Variants in THRAP3 observed in about 807,000 individuals in gnomAD.
THRAP3 encodes the protein thyroid hormone receptor-associated protein 3.
Under a neutral mutation model 101.0 loss-of-function variants are expected in THRAP3, and 16 were observed. The ratio of observed to expected loss-of-function variants is 0.16; its 90% CI spans 0.11 to 0.24. The LOEUF is 0.24. Ranked by LOEUF, THRAP3 falls within the 10% of genes least tolerant of loss-of-function variation. The pLI is 1.00. For missense variants in THRAP3, 989 were observed against 1,202.7 expected (o/e 0.82, Z 2.63); for synonymous variants, 407 against 422.6 (o/e 0.96, Z 0.45).
chr1:36,289,230 G>A lies in THRAP3; in HGVS notation c.1211G>A (p.Arg404Gln), dbSNP rs1645833442. The change falls in exon 5 of 12, where the codon CGG becomes CAG. Residue 404 changes from arginine (R) to glutamine (Q), a missense_variant. Physicochemically the swap from Arg to Gln is conservative, Grantham distance 43. Transcript: ENST00000354618. ...AAAACTGATTCTGAGAAGCCTTTTCGGGGCAGTCAGTCTCCCAAAAGGTAT... is the reference window on the plus strand; with the variant it reads ...AAAACTGATTCTGAGAAGCCTTTTCAGGGCAGTCAGTCTCCCAAAAGGTAT... ...APKTDSEKPFRGSQSPKRYKL... is the reference protein window; with the variant it reads ...APKTDSEKPFQGSQSPKRYKL... 6.2e-6 allele frequency: 10 copies of A among 1,614,024 alleles called. No individual in the cohort carries two copies. Among genetic ancestry groups the A allele is most frequent in the Non-Finnish European group, 7.6e-6 (9 of 1,180,014 alleles).
intron 1 of THRAP3, among the ~76,000 whole-genome samples, chr1:36,252,948 ATATATATATATATATATATAT>A: frequency 8.6e-6 from 1 of 116,444 alleles, no homozygotes; most frequent in South Asian, 2.6e-4. Context: ...ATATATATAT[ATATATATATATATATATATAT>A]AAATGTAAAT....
At chr1:36,270,974 T>G (rs1031494690) in intron 2 of THRAP3, among the ~76,000 whole-genome samples, 2 of 152,128 alleles carry the variant, frequency 1.3e-5, no homozygotes, top group African/African-American at 4.8e-5. Flanking sequence ...AACTTTTTTT[T>G]TAGAATAATG....
chr1:36,219,592 C>CT (rs1274235048), upstream of THRAP3, among the ~76,000 whole-genome samples: 895 of 143,370 alleles, frequency 6.2e-3, 4 homozygotes, highest in African/African-American at 0.018. Context: ...GCCCAGCTAA[C>CT]TTTTTTTTTT....
intron 2 of THRAP3, among the ~76,000 whole-genome samples, chr1:36,270,200 G>A (rs951358667): frequency 2.0e-5 from 3 of 152,186 alleles, no homozygotes; most frequent in African/African-American, 7.2e-5. Context: ...ACCAGCTTGG[G>A]CAACATGGCG....
At chr1:36,277,232 G>A (rs1645672629) in intron 2 of THRAP3, among the ~76,000 whole-genome samples, 1 of 151,882 alleles carries the variant, frequency 6.6e-6, no homozygotes, top group Non-Finnish European at 1.5e-5. Flanking sequence ...GCCTCCCAAA[G>A]TGCTGGGATT....
At chr1:36,230,096 A>G (rs978122991) in intron 1 of THRAP3, among the ~76,000 whole-genome samples, 1 of 151,574 alleles carries the variant, frequency 6.6e-6, no homozygotes, top group Non-Finnish European at 1.5e-5. Flanking sequence ...CTGGGATTAC[A>G]GGTGCCCATC....
Position 36,286,481 on chromosome 1 carries a change from A to G in THRAP3, c.251A>G (p.Tyr84Cys), listed in dbSNP as rs1169978653. The G allele has an allele frequency of 2.5e-6, 4 of 1,614,182 alleles. No homozygotes were observed. The highest frequency in any genetic ancestry group is 1.7e-5 in the Admixed American group (1 of 60,014). The change falls in exon 4 of 12, where the codon TAT becomes TGT. Residue 84 changes from tyrosine (Y) to cysteine (C), a missense_variant. Coordinates refer to ENST00000354618, the MANE Select transcript of THRAP3 (RefSeq NM_005119.4). The surrounding 1 kb of genome is among the most constrained non-coding windows in gnomAD (Gnocchi z 5.5). ...RGHNRGYRRP[Y>C]YFRGRNRGFY... ...CACAACAGAGGCTATAGAAGGCCCT[A>G]TTATTTCCGTGGGCGTAACAGAGGC...
At chr1:36,237,774 A>AAAAC (rs373109466) in intron 1 of THRAP3, among the ~76,000 whole-genome samples, 12 of 152,118 alleles carry the variant, frequency 7.9e-5, no homozygotes, top group Non-Finnish European at 1.8e-4. Flanking sequence ...GTCTGAAAAC[A>AAAAC]AAACAAACAA....
intron 5 of THRAP3, 43 bp from the exon 6 acceptor site, chr1:36,291,331 G>A (rs1439188929): frequency 6.3e-7 from 1 of 1,583,110 alleles, no homozygotes; most frequent in African/African-American, 1.3e-5. Flanking sequence ...TGTTCTTCCT[G>A]TGTATTGTGT....
chr1:36,297,064 T>C (rs547113943), intron 9 of THRAP3, among the ~76,000 whole-genome samples: 49 of 152,210 alleles, frequency 3.2e-4, no homozygotes, highest in Non-Finnish European at 4.1e-4. Flanking sequence ...CTTTTGCAGT[T>C]TTAGATGTAC....
chr1:36,215,045 C>A, the THRAP3 span, among the ~76,000 whole-genome samples: 14 of 150,392 alleles, frequency 9.3e-5, no homozygotes, highest in African/African-American at 3.2e-4. Context: ...CACGATGAAA[C>A]CCCGTCTCTA....
chr1:36,266,351 AAAC>A (rs930463894), intron 2 of THRAP3, among the ~76,000 whole-genome samples: 2 of 151,942 alleles, frequency 1.3e-5, no homozygotes, highest in African/African-American at 2.4e-5. Flanking sequence ...CAACAACAAC[AAAC>A]AAGAAAAATT....
In THRAP3 at chr1:36,295,954, CTTTTTTTTTTTTTTTTTTT is replaced by C. The variant is rs575028397; in HGVS notation, c.2116-610_2116-592del. ...CCAGAGCTAATTTTAGCCTTCTCAA[CTTTTTTTTTTTTTTTTTTT>C]TTTTTTTTTTTTTTTTTTGAGAGAT... On this transcript the variant is annotated intron_variant, in intron 8 of 11. Transcript: ENST00000354618. 5.6e-3 allele frequency among the ~76,000 whole-genome samples: 336 copies of C among 60,498 alleles called. 7 individuals carry two copies. Among genetic ancestry groups the C allele is most frequent in the African/African-American group, 0.02 (275 of 13,768 alleles). The allele number at this position is 60,498 out of a possible 152,430, so 39.7% of individuals were successfully genotyped here.
chr1:36,210,487 G>A, the THRAP3 span, among the ~76,000 whole-genome samples: 2 of 148,526 alleles, frequency 1.3e-5, no homozygotes, highest in East Asian at 4.0e-4. Context: ...TCAGAAGTTC[G>A]AGACCAGTCT....
chr1:36,216,619 A>C, the THRAP3 span, among the ~76,000 whole-genome samples: 1 of 151,798 alleles, frequency 6.6e-6, no homozygotes, highest in African/African-American at 2.4e-5. Flanking sequence ...GGCCAAAAAC[A>C]ACAACAACAA....
the THRAP3 span, among the ~76,000 whole-genome samples, chr1:36,216,572 C>T: frequency 1.1e-4 from 16 of 148,352 alleles, no homozygotes; most frequent in East Asian, 1.0e-3. Context: ...GAGGCCGAGG[C>T]GGGTGGATTA....
chr1:36,293,640 CTG>C lies in THRAP3; in HGVS notation c.2031-173_2031-172del, dbSNP rs577292328. ...TCTGTTACACTGTGGGAACCTGGGA[CTG>C]TGTGTGTGTGTGTGTGTGTGTGTGT... On this transcript the variant is annotated intron_variant, in intron 7 of 11. Coordinates refer to ENST00000354618, the MANE Select transcript of THRAP3 (RefSeq NM_005119.4). 4.3e-3 allele frequency among the ~76,000 whole-genome samples: 574 copies of C among 133,410 alleles called. 6 individuals carry two copies. Among genetic ancestry groups the C allele is most frequent in the African/African-American group, 0.013 (458 of 35,950 alleles). The allele number at this position is 133,410 out of a possible 152,430, so 87.5% of individuals were successfully genotyped here.
At chr1:36,232,152 G>T (rs1645035116) in intron 1 of THRAP3, among the ~76,000 whole-genome samples, 1 of 152,160 alleles carries the variant, frequency 6.6e-6, no homozygotes. Context: ...GGAGGCAAAG[G>T]TTGCAGTGAG....
chr1:36,233,740 T>C (rs1028943687), intron 1 of THRAP3, among the ~76,000 whole-genome samples: 1 of 152,058 alleles, frequency 6.6e-6, no homozygotes, highest in African/African-American at 2.4e-5. Flanking sequence ...CACTCTAGCC[T>C]GGGTGACAAA....
Sources: gnomAD v4.1 joint callset for allele counts (sites outside exome capture counted in the v4.1 genomes callset) on GRCh38, gnomAD v4.1.1 for gene constraint, Gnocchi (gnomAD v3.1) non-coding constraint, MANE v1.5 for transcripts, NCBI Gene and HGNC (gene_info 2026-07-23, HGNC 2026-07-21) for gene names.